C3orf70: variants seen among roughly 807,000 people sequenced by gnomAD.
C3orf70 encodes the protein chromosome 3 open reading frame 70, also known as UPF0524 protein C3orf70.
A neutral mutation model predicts 20.7 loss-of-function variants in C3orf70; 15 were observed. The observed-to-expected ratio is 0.72, with a 90% CI of 0.48 to 1.11. The LOEUF is 1.11. Among genes scored for constraint, C3orf70 ranks in the 50% most tolerant of loss-of-function variants. C3orf70 has a pLI of 0.00. For synonymous variants in C3orf70, 161 were observed against 125.7 expected, an observed-to-expected ratio of 1.28 and a Z score of -1.88; for missense variants, 332 against 317.6, an observed-to-expected ratio of 1.05 and a Z score of -0.34.
At chr3:185,133,762 A>G (rs1433349395) in intron 1 of C3orf70, among the ~76,000 whole-genome samples, 1 of 151,990 alleles carries the variant, frequency 6.6e-6, no homozygotes, top group Non-Finnish European at 1.5e-5. Context: ...ACAAAAACAA[A>G]ACACATCTAT....
intron 1 of C3orf70, among the ~76,000 whole-genome samples, chr3:185,091,861 A>G (rs1384823536): frequency 3.3e-5 from 4 of 121,844 alleles, no homozygotes; most frequent in African/African-American, 1.3e-4. Context: ...TATATGTATT[A>G]TATTATATAT....
intron 1 of C3orf70, among the ~76,000 whole-genome samples, chr3:185,091,182 G>A (rs959135978): frequency 2.0e-5 from 3 of 152,064 alleles, no homozygotes; most frequent in Non-Finnish European, 2.9e-5. Flanking sequence ...ATGCAAGGGC[G>A]TTCACCAGGC....
chr3:185,114,201 A>AC (rs144248889), intron 1 of C3orf70, among the ~76,000 whole-genome samples: 7,786 of 150,922 alleles, frequency 0.052, 658 homozygotes, highest in African/African-American at 0.18. Context: ...CTCCGCCCCC[A>AC]CCCCCCAAAA....
chr3:185,119,593 A>G (rs2108598592), intron 1 of C3orf70, among the ~76,000 whole-genome samples: 1 of 152,324 alleles, frequency 6.6e-6, no homozygotes, highest in Non-Finnish European at 1.5e-5. Context: ...TGAACTGAAA[A>G]GGCATGTCTA....
chr3:185,083,013 A>T lies in C3orf70; in HGVS notation c.747T>A (p.Thr249=). 1 of 1,613,156 alleles carries T rather than the reference A, an allele frequency of 6.2e-7. No homozygotes were observed. Among genetic ancestry groups the T allele is most frequent in the Non-Finnish European group, 8.5e-7 (1 of 1,179,504 alleles). ...TGGCTTCCTGTCTGGACTCTCACAC[A>T]GTCGTTTCTATCGTTTCAATCACTT... is the stretch of plus-strand genomic sequence containing the variant. The part of the protein sequence containing the change: ...DLEVIETIET[T]V The change falls in exon 2 of 2, where the codon ACT becomes ACA. Residue 249 remains threonine, a synonymous_variant. Coordinates refer to ENST00000335012, the MANE Select transcript of C3orf70 (RefSeq NM_001025266.3).
At chr3:185,144,989 A>G (rs1400705895) in intron 1 of C3orf70, among the ~76,000 whole-genome samples, 1 of 152,210 alleles carries the variant, frequency 6.6e-6, no homozygotes, top group African/African-American at 2.4e-5. Context: ...GTCACCCTGC[A>G]AACAATAAGA....
rs779987342 is a variant in C3orf70 at position 185,130,402 on chromosome 3, C to T, written c.196+22226G>A. Reference sequence around the variant, plus strand: ...CCGGGAGGCAGAGCGTGCAGTGAGCCGAGATCGCACCATTGCTCTCCAGCC... The same window carrying T: ...CCGGGAGGCAGAGCGTGCAGTGAGCTGAGATCGCACCATTGCTCTCCAGCC... On this transcript the variant is annotated intron_variant, in intron 1 of 1. Transcript: ENST00000335012. 3.0e-4 allele frequency among the ~76,000 whole-genome samples: 46 copies of T among 152,106 alleles called. 3 individuals carry two copies. Among genetic ancestry groups the T allele is most frequent in the Admixed American group, 6.6e-5 (1 of 15,262 alleles).
Position 185,083,458 on chromosome 3 carries a change from A to T in C3orf70, c.302T>A (p.Leu101His). The T allele has an allele frequency of 6.2e-7, 1 of 1,614,138 alleles. No homozygotes were observed. The highest frequency in any genetic ancestry group is 8.5e-7 in the Non-Finnish European group (1 of 1,180,024). ...PTNTIQISVS[L>H]TEHFLKFASV... is the part of the protein sequence containing the mutation. Reference sequence around the variant, plus strand: ...TGCAAATTTCAAAAAGTGTTCGGTGAGCGAGACTGAGATCTGAATGGTGTT... The same window carrying T: ...TGCAAATTTCAAAAAGTGTTCGGTGTGCGAGACTGAGATCTGAATGGTGTT... The change falls in exon 2 of 2, where the codon CTC (leucine) becomes CAC (histidine). Residue 101 changes from leucine to histidine, a missense_variant. Physicochemically the swap from Leu to His is moderately conservative, Grantham distance 99 (BLOSUM62 -3). Coordinates refer to ENST00000335012, the MANE Select transcript of C3orf70 (RefSeq NM_001025266.3).
intron 1 of C3orf70, among the ~76,000 whole-genome samples, chr3:185,136,909 A>AAACAACAACAAC (rs146226983): frequency 6.7e-6 from 1 of 149,780 alleles, no homozygotes; most frequent in Admixed American, 6.7e-5. Context: ...GACTGTCTCA[A>AAACAACAACAAC]AACAACAACA....
At chr3:185,110,329 G>C (rs889301369) in intron 1 of C3orf70, among the ~76,000 whole-genome samples, 1 of 152,260 alleles carries the variant, frequency 6.6e-6, no homozygotes, top group African/African-American at 2.4e-5. Context: ...GCTTGAAGGA[G>C]CTGCAGACAA....
chr3:185,103,579 GC>G (rs1247479789), intron 1 of C3orf70, among the ~76,000 whole-genome samples: 1 of 151,850 alleles, frequency 6.6e-6, no homozygotes, highest in African/African-American at 2.4e-5. Flanking sequence ...CAGCCAACAA[GC>G]ATATGAAAAA....
rs566427709 is a variant in C3orf70, at chr3:185,145,813, A to G, written c.196+6815T>C. ...ACGTTTAAATGAGCAAACACATACG[A>G]AAAGATTACAAAAAGTTATGTGCCT... is the stretch of plus-strand genomic sequence containing the variant. On this transcript the variant is annotated intron_variant, in intron 1 of 1. Transcript: ENST00000335012. Among the ~76,000 whole-genome samples, 357 of 152,348 alleles carry G rather than the reference A, an allele frequency of 2.3e-3. 8 individuals carry two copies. The highest frequency in any genetic ancestry group is 5.1e-4 in the Non-Finnish European group (35 of 68,020).
At chr3:185,091,759 A>G (rs1427886416) in intron 1 of C3orf70, among the ~76,000 whole-genome samples, 1 of 148,380 alleles carries the variant, frequency 6.7e-6, no homozygotes, top group East Asian at 2.0e-4. Context: ...GTCTTGGCTC[A>G]CTGCAACCTC....
At chr3:185,117,420 C>CACACACACACACAT (rs1716198187) in intron 1 of C3orf70, among the ~76,000 whole-genome samples, 1 of 43,720 alleles carries the variant, frequency 2.3e-5, no homozygotes, top group Non-Finnish European at 4.0e-5. Context: ...CACACACATA[C>CACACACACACACAT]ACACACACAC....
At chr3:185,125,778 T>C (rs1175946113) in intron 1 of C3orf70, among the ~76,000 whole-genome samples, 1 of 152,216 alleles carries the variant, frequency 6.6e-6, no homozygotes, top group African/African-American at 2.4e-5. Flanking sequence ...CCTGGAATAT[T>C]ATAAAAAGTA....
At position 185,079,280 on chromosome 3, in the gene C3orf70, C is replaced by CAAAAAAAAAAAAAAAAAAAAAAAAAAAAA. The variant is rs60241057; in HGVS notation, c.*3726_*3727insTTTTTTTTTTTTTTTTTTTTTTTTTTTTT. ...TGGGTGAAGGAGCGAGACTCTGTCT[C>CAAAAAAAAAAAAAAAAAAAAAAAAAAAAA]AAAAAAAAAAAAAAAAAAAAAAAAG... On this transcript the variant is annotated 3_prime_UTR_variant, in exon 2 of 2. Coordinates refer to ENST00000335012, the MANE Select transcript of C3orf70 (RefSeq NM_001025266.3). The CAAAAAAAAAAAAAAAAAAAAAAAAAAAAA allele has an allele frequency of 1.6e-4, 8 of 50,624 alleles. No homozygotes were observed. Among genetic ancestry groups the CAAAAAAAAAAAAAAAAAAAAAAAAAAAAA allele is most frequent in the Non-Finnish European group, 3.0e-4 (7 of 23,008 alleles). The allele number at this position is 50,624 out of a possible 1,614,324, so 3.1% of individuals were successfully genotyped here. A position where few individuals can be genotyped will look rare whatever the true frequency, so the allele number is the denominator to read the frequency against.
At position 185,083,152 on chromosome 3, in the gene C3orf70, C is replaced by T. The variant is rs1715383679; in HGVS notation, c.608G>A (p.Cys203Tyr). Residue 203 changes from cysteine to tyrosine, a missense_variant, in exon 2 of 2, where the codon TGT becomes TAT. Physicochemically the swap from Cys to Tyr is radical, Grantham distance 194. Coordinates refer to ENST00000335012, the MANE Select transcript of C3orf70 (RefSeq NM_001025266.3). Reference sequence around the variant, plus strand: ...TGCTCCTTCTTCTGTGTCCTCGTCACACGATTCCACATAGTGAGCCCCAAT... The same window carrying T: ...TGCTCCTTCTTCTGTGTCCTCGTCATACGATTCCACATAGTGAGCCCCAAT... ...NAIGAHYVES[C>Y]DEDTEEGAEL... 6.2e-7 allele frequency: 1 copy of T among 1,614,198 alleles called. No homozygotes were observed. Among genetic ancestry groups the T allele is most frequent in the South Asian group, 1.1e-5 (1 of 91,078 alleles).
At position 185,123,358 on chromosome 3, in the gene C3orf70, G is replaced by A. The variant is rs192792003; in HGVS notation, c.196+29270C>T. Among the ~76,000 whole-genome samples, 299 of 152,062 alleles carry A rather than the reference G, an allele frequency of 2.0e-3. 1 individual carries two copies. Among genetic ancestry groups the A allele is most frequent in the Admixed American group, 3.4e-3 (52 of 15,278 alleles). ...TCTTTGAAAGAGGACATATGTAGTG[G>A]TGACCCATCGTGGTTTTTGATATAT... On this transcript the variant is annotated intron_variant, in intron 1 of 1. Coordinates refer to ENST00000335012, the MANE Select transcript of C3orf70 (RefSeq NM_001025266.3).
chr3:185,114,166 T>A (rs1716131203), intron 1 of C3orf70, among the ~76,000 whole-genome samples: 1 of 151,974 alleles, frequency 6.6e-6, no homozygotes, highest in Non-Finnish European at 1.5e-5. Flanking sequence ...GCCATTGCAC[T>A]CCAGTCTGGG....
Sources: allele counts gnomAD v4.1 joint callset (sites outside exome capture counted in the v4.1 genomes callset), GRCh38; gene constraint gnomAD v4.1.1; transcripts MANE v1.5; gene names NCBI Gene and HGNC (gene_info 2026-07-23, HGNC 2026-07-21).